The following RAB12 variants were observed in gnomAD, a reference collection of about 807,000 sequenced individuals.
RAB12 encodes ras-related protein Rab-12.
Under a neutral mutation model 28.4 loss-of-function variants are expected in RAB12, and 11 were observed. That is an observed-to-expected ratio of 0.39 (90% confidence interval 0.24 to 0.64). The LOEUF (loss-of-function observed/expected upper bound fraction) is 0.64. Among genes scored for constraint, RAB12 ranks in the 30% least tolerant of loss-of-function variants. The pLI, the probability that RAB12 is intolerant of heterozygous loss-of-function variation, is 0.50. For missense variants in RAB12, 276 were observed against 351.1 expected (o/e 0.79, Z 1.71); for synonymous variants, 138 against 145.3 (o/e 0.95, Z 0.36).
At chr18:8,631,297 TTAAA>T (rs770190199) in intron 2 of RAB12, among the ~76,000 whole-genome samples, 2 of 152,360 alleles carry the variant, frequency 1.3e-5, no homozygotes, top group South Asian at 4.1e-4. Flanking sequence ...AGTTGTAGAC[TTAAA>T]TAGTGTCAAT....
chr18:8,620,665 C>T (rs1314642381), intron 1 of RAB12, among the ~76,000 whole-genome samples: 1 of 152,066 alleles, frequency 6.6e-6, no homozygotes, highest in Non-Finnish European at 1.5e-5. Context: ...GGAGCAGTTT[C>T]CAGCCATCAA....
intron 1 of RAB12, among the ~76,000 whole-genome samples, chr18:8,620,164 T>TTTTTTAA (rs1241560251): frequency 3.6e-5 from 2 of 55,348 alleles, no homozygotes; most frequent in Non-Finnish European, 3.4e-5. Context: ...TTTTTTTGCT[T>TTTTTTAA]CAAAAAAAAA....
chr18:8,616,127 A>G (rs909888287), intron 1 of RAB12, among the ~76,000 whole-genome samples: 6 of 152,292 alleles, frequency 3.9e-5, no homozygotes, highest in African/African-American at 1.4e-4. Flanking sequence ...AGCATTTTGT[A>G]TTTATATAAG....
At chr18:8,626,917 T>G (rs1370577509) in intron 2 of RAB12, among the ~76,000 whole-genome samples, 1 of 152,270 alleles carries the variant, frequency 6.6e-6, no homozygotes, top group African/African-American at 2.4e-5. Context: ...ACATGGAATA[T>G]TCCAGTGACT....
chr18:8,620,386 A>C (rs2096009231), intron 1 of RAB12, among the ~76,000 whole-genome samples: 2 of 152,012 alleles, frequency 1.3e-5, no homozygotes, highest in South Asian at 4.1e-4. Flanking sequence ...TGTTACCGTA[A>C]TCCTCTGAGA....
intron 3 of RAB12, among the ~76,000 whole-genome samples, chr18:8,634,079 T>A (rs764613726): frequency 2.6e-5 from 4 of 152,196 alleles, no homozygotes; most frequent in Admixed American, 6.5e-5. Context: ...GTCTGCTAGA[T>A]AACATTGGAG....
intron 4 of RAB12, 51 bp downstream of exon 4, chr18:8,635,673 G>A (rs764127238): frequency 1.8e-6 from 2 of 1,123,674 alleles, no homozygotes; most frequent in Non-Finnish European, 2.5e-6. Context: ...TAGCGCTTGA[G>A]GTACTGTTTC....
intron 1 of RAB12, among the ~76,000 whole-genome samples, chr18:8,615,538 C>T (rs1400268611): frequency 1.3e-5 from 2 of 152,190 alleles, no homozygotes; most frequent in African/African-American, 4.8e-5. Flanking sequence ...TGGTTTTGCT[C>T]CATCTGGAGA....
Position 8,635,592 on chromosome 18 carries a change from C to T in RAB12, c.774C>T (p.Asp258=). Reference sequence around the variant, plus strand: ...GAAATAAGTTGGACTGTGAAACGGACAGAGAAATCACCAGGCAGCAGGGGG... The same window carrying T: ...GAAATAAGTTGGACTGTGAAACGGATAGAGAAATCACCAGGCAGCAGGGGG... ...LVGNKLDCET[D]REITRQQGEK... is the part of the protein sequence containing the mutation. Residue 258 remains aspartate (D), a synonymous_variant, in exon 4 of 6, where the codon GAC becomes GAT. Coordinates refer to ENST00000649141, the MANE Select transcript of RAB12 (RefSeq NM_001025300.3). 6.2e-7 allele frequency: 1 copy of T among 1,612,726 alleles called. No individual in the cohort carries two copies. Among genetic ancestry groups the T allele is most frequent in the Non-Finnish European group, 8.5e-7 (1 of 1,179,450 alleles).
intron 2 of RAB12, among the ~76,000 whole-genome samples, chr18:8,630,198 G>T (rs1423786566): frequency 1.3e-5 from 2 of 152,196 alleles, no homozygotes; most frequent in Non-Finnish European, 2.9e-5. Flanking sequence ...AGTACACTTT[G>T]CTTTTGTACA....
At position 8,609,952 on chromosome 18, in the gene RAB12, G is replaced by A; in HGVS notation, c.513G>A (p.Val171=). 1 of 1,606,614 alleles carries A rather than the reference G, an allele frequency of 6.2e-7. No homozygotes were observed. The highest frequency in any genetic ancestry group is 2.3e-5 in the East Asian group (1 of 44,274). Residue 171 remains valine (V), a splice_region_variant and synonymous_variant, in exon 1 of 6, where the codon GTG becomes GTA. Transcript: ENST00000649141. ...TCTGCGAGGCCTGCAAGTCCACCGT[G>A]GGTAAGGGCGCCACGGCGACCCTGG... ...DTFCEACKST[V]GVDFKIKTVE...
intron 1 of RAB12, among the ~76,000 whole-genome samples, chr18:8,614,090 G>A (rs1006442904): frequency 6.6e-6 from 1 of 152,122 alleles, no homozygotes; most frequent in African/African-American, 2.4e-5. Context: ...GGTTTAGATT[G>A]ACTTTGCTTT....
At chr18:8,626,519 A>G (rs2096012753) in intron 2 of RAB12, among the ~76,000 whole-genome samples, 1 of 152,010 alleles carries the variant, frequency 6.6e-6, no homozygotes, top group Non-Finnish European at 1.5e-5. Flanking sequence ...AGTATGTCCA[A>G]ATGATTTATA....
chr18:8,620,165 C>A (rs371468609), intron 1 of RAB12, among the ~76,000 whole-genome samples: 1,346 of 74,784 alleles, frequency 0.018, 1 homozygote, highest in Admixed American at 0.02. Context: ...TTTTTTGCTT[C>A]AAAAAAAAAA....
chr18:8,627,771 G>T (rs2096013661), intron 2 of RAB12, among the ~76,000 whole-genome samples: 1 of 152,170 alleles, frequency 6.6e-6, no homozygotes. Context: ...CTGCCTGTCG[G>T]ACCAGTCCAC....
At chr18:8,637,880 G>A (rs148932844) in intron 5 of RAB12, among the ~76,000 whole-genome samples, 2 of 152,236 alleles carry the variant, frequency 1.3e-5, no homozygotes, top group East Asian at 3.8e-4. Context: ...TAGTGGAAGT[G>A]GATCATCATA....
Position 8,636,199 on chromosome 18 carries a change from C to T in RAB12, c.805-54C>T, listed in dbSNP as rs372491521. On this transcript the variant is annotated intron_variant, in intron 4 of 5. Coordinates refer to ENST00000649141, the MANE Select transcript of RAB12 (RefSeq NM_001025300.3). ...GCTGAGCCCAGAGACCTCATGCTCG[C>T]ACGCTGGTCTGTGAGGCCCCACACA... is the stretch of plus-strand genomic sequence containing the variant. 1.7e-5 allele frequency: 20 copies of T among 1,205,620 alleles called. No homozygotes were observed. In the South Asian group the frequency reaches 2.1e-4, roughly 13 times the overall value. The allele number at this position is 1,205,620 out of a possible 1,614,324, so 74.7% of individuals were successfully genotyped here.
intron 2 of RAB12, among the ~76,000 whole-genome samples, chr18:8,631,990 A>G (rs1194337571): frequency 6.6e-6 from 1 of 152,146 alleles, no homozygotes; most frequent in Non-Finnish European, 1.5e-5. Flanking sequence ...CTTGGTTTGA[A>G]AGTAATTGGA....
At chr18:8,624,175 CT>C (rs562726233) in intron 1 of RAB12, among the ~76,000 whole-genome samples, 54 of 152,350 alleles carry the variant, frequency 3.5e-4, no homozygotes, top group African/African-American at 1.2e-3. Context: ...GCCAGCATCC[CT>C]TTTGTTTCCC....
Sources: gnomAD v4.1 joint callset for allele counts (sites outside exome capture counted in the v4.1 genomes callset) on GRCh38, gnomAD v4.1.1 for gene constraint, MANE v1.5 for transcripts, NCBI Gene and HGNC (gene_info 2026-07-23, HGNC 2026-07-21) for gene names.